Variants in BRIP1 observed in about 807,000 individuals in gnomAD.
BRIP1 encodes BRCA1 interacting DNA helicase 1.
BRIP1 carries 88 observed loss-of-function variants against 119.7 expected under a neutral mutation model. The observed-to-expected ratio is 0.74, with a 90% confidence interval of 0.62 to 0.88. BRIP1 has a LOEUF of 0.88. Among genes scored for constraint, BRIP1 ranks in the 40% least tolerant of loss-of-function variants. The probability of loss-of-function intolerance (pLI) is 0.00; values close to 1 mark genes in which losing one functional copy is unlikely to be tolerated. For missense variants in BRIP1, 1,259 were observed against 1,455.4 expected, an observed-to-expected ratio of 0.87 and a Z score of 2.20; for synonymous variants, 443 against 496.5, an observed-to-expected ratio of 0.89 and a Z score of 1.43.
rs537183380 is a variant in BRIP1, at chr17:61,861,578, G to C, written c.-30-9C>G. 2.1e-6 allele frequency: 3 copies of C among 1,460,632 alleles called. No homozygotes were observed. The highest frequency in any genetic ancestry group is 1.7e-5 in the Admixed American group (1 of 59,678). The allele number at this position is 1,460,632 out of a possible 1,614,324, so 90.5% of individuals were successfully genotyped here. On this transcript the variant is annotated splice_polypyrimidine_tract_variant and intron_variant, in intron 1 of 19. Coordinates refer to ENST00000259008, the MANE Select transcript of BRIP1 (RefSeq NM_032043.3). The surrounding 1 kb of genome is among the most constrained non-coding windows in gnomAD (Gnocchi z 4.5). ...TTATTTCAGATTCCTAACTACAACA[G>C]AAATGAAAATGTCAAATATTGAGAC...
At position 61,816,471 on chromosome 17, in the gene BRIP1, C is replaced by T. The variant is rs550483407; in HGVS notation, c.628-7714G>A. On this transcript the variant is annotated intron_variant, in intron 6 of 19. Coordinates refer to ENST00000259008, the MANE Select transcript of BRIP1 (RefSeq NM_032043.3). This position sits in a 1 kb window ranked among gnomAD's most constrained non-coding sequence, Gnocchi z 5.0. ...TTTTGATACCATAAGTGTTTGTTAC[C>T]CTACTCTCCACTTACTGTTTACTTT... Among the ~76,000 whole-genome samples the T allele has an allele frequency of 6.6e-6, 1 of 152,044 alleles. No homozygotes were observed. Among genetic ancestry groups the T allele is most frequent in the South Asian group, 2.1e-4 (1 of 4,818 alleles).
chr17:61,758,311 G>A lies in BRIP1; in HGVS notation c.2098-13720C>T, dbSNP rs770299436. Among the ~76,000 whole-genome samples, 2 of 152,114 alleles carry A rather than the reference G, an allele frequency of 1.3e-5. No individual in the cohort carries two copies. Among genetic ancestry groups the A allele is most frequent in the South Asian group, 2.1e-4 (1 of 4,828 alleles). On this transcript the variant is annotated intron_variant, in intron 14 of 19. Coordinates refer to ENST00000259008, the MANE Select transcript of BRIP1 (RefSeq NM_032043.3). This position sits in a 1 kb window ranked among gnomAD's most constrained non-coding sequence, Gnocchi z 5.3. ...TAACTGTAGGCGAAAAAGGCAACTC[G>A]TTTTCTATACTTCTGTAAATGGGCT... is the stretch of plus-strand genomic sequence containing the variant.
intron 16 of BRIP1, among the ~76,000 whole-genome samples, chr17:61,741,228 C>T (rs2076982860): frequency 1.3e-5 from 2 of 152,184 alleles, no homozygotes; most frequent in South Asian, 2.1e-4. Context: ...AATTTAGTCA[C>T]GTCTTAAGCT....
rs1013391711 is a variant in BRIP1, at chr17:61,707,940, A to T, written c.2492+8011T>A. On this transcript the variant is annotated intron_variant, in intron 17 of 19. Transcript: ENST00000259008. ...CGGCTCACTGCAACCTCCGCCTCCC[A>T]GGTTCAAGTGATTCTCCTGCCTCAG... is the stretch of plus-strand genomic sequence containing the variant. 6.0e-5 allele frequency among the ~76,000 whole-genome samples: 9 copies of T among 150,772 alleles called. No homozygotes were observed. The East Asian group carries it at 1.8e-3, about 29-fold the overall frequency.
chr17:61,691,100 G>C lies in BRIP1; in HGVS notation c.2575+2330C>G, dbSNP rs1193169369. ...GGCCTGTTGTGGGGTGGGGGGAGAGGGGGGAGGGATAGCATTAGGAGATAT... is the reference window on the plus strand; with the variant it reads ...GGCCTGTTGTGGGGTGGGGGGAGAGCGGGGAGGGATAGCATTAGGAGATAT... On this transcript the variant is annotated intron_variant, in intron 18 of 19. Transcript: ENST00000259008. The surrounding 1 kb of genome is among the most constrained non-coding windows in gnomAD (Gnocchi z 5.0). Among the ~76,000 whole-genome samples the C allele has an allele frequency of 4.0e-5, 6 of 151,482 alleles. No homozygotes were observed. Among genetic ancestry groups the C allele is most frequent in the Non-Finnish European group, 7.4e-5 (5 of 67,890 alleles).
rs2144677625 is a variant in BRIP1 at position 61,743,077 on chromosome 17, G to A, written c.2315C>T (p.Ser772Leu). ...RGKVSEGLDF[S>L]DDNARAVITI... ...TATGACAGCACGGGCATTGTCATCT[G>A]AGAAATCCAGACCCTCACTCACTTT... is the stretch of plus-strand genomic sequence containing the variant. The change falls in exon 16 of 20, where the codon TCA becomes TTA. Residue 772 changes from serine (S) to leucine (L), a missense_variant. Around this residue, in one of 3 missense-constraint regions of BRIP1, gnomAD observed 753 missense variants for 891.8 expected, o/e 0.84. Coordinates refer to ENST00000259008, the MANE Select transcript of BRIP1 (RefSeq NM_032043.3). The surrounding 1 kb of genome is among the most constrained non-coding windows in gnomAD (Gnocchi z 4.3). 6.2e-7 allele frequency: 1 copy of A among 1,613,844 alleles called. No homozygotes were observed. Among genetic ancestry groups the A allele is most frequent in the African/African-American group, 1.3e-5 (1 of 75,010 alleles).
intron 16 of BRIP1, among the ~76,000 whole-genome samples, chr17:61,721,485 G>C (rs2061974580): frequency 6.7e-6 from 1 of 149,614 alleles, no homozygotes; most frequent in Admixed American, 6.7e-5. Context: ...TGACCAGGAT[G>C]GTCTCGATCT....
In BRIP1 at chr17:61,852,038, T is replaced by G. The variant is rs985034693; in HGVS notation, c.380-2782A>C. Among the ~76,000 whole-genome samples the G allele has an allele frequency of 2.6e-5, 4 of 152,186 alleles. No individual in the cohort carries two copies. Among genetic ancestry groups the G allele is most frequent in the Non-Finnish European group, 4.4e-5 (3 of 68,038 alleles). On this transcript the variant is annotated intron_variant, in intron 4 of 19. Transcript: ENST00000259008. This position sits in a 1 kb window ranked among gnomAD's most constrained non-coding sequence, Gnocchi z 4.9. Reference sequence around the variant, plus strand: ...CAACAAAGAGTTATCCCACTCAAAATGTTAATAGTGCCACTGTGGAGAAAC... The same window carrying G: ...CAACAAAGAGTTATCCCACTCAAAAGGTTAATAGTGCCACTGTGGAGAAAC...
At chr17:61,697,098 G>A (rs979510843) in intron 17 of BRIP1, among the ~76,000 whole-genome samples, 2 of 150,548 alleles carry the variant, frequency 1.3e-5, no homozygotes, top group African/African-American at 4.9e-5. Flanking sequence ...GCTCACACCT[G>A]TAATCCCAGC....
At chr17:61,723,418 G>T (rs1376315450) in intron 16 of BRIP1, among the ~76,000 whole-genome samples, 4 of 152,192 alleles carry the variant, frequency 2.6e-5, no homozygotes, top group African/African-American at 4.8e-5. Context: ...GGCAAGCTCT[G>T]CCATCTTGTA....
In BRIP1 at chr17:61,779,089, A is replaced by T. The variant is rs145346336; in HGVS notation, c.1935+1172T>A. On this transcript the variant is annotated intron_variant, in intron 13 of 19. Coordinates refer to ENST00000259008, the MANE Select transcript of BRIP1 (RefSeq NM_032043.3). ...ACATTTCCACAAAAATTAAAATAAC[A>T]TTTAGTAGCCATCGTTATAAAACAT... Among the ~76,000 whole-genome samples the T allele has an allele frequency of 1.4e-3, 215 of 152,356 alleles. 1 individual carries two copies. The highest frequency in any genetic ancestry group is 5.1e-3 in the African/African-American group (210 of 41,578).
rs912965020 is a variant in BRIP1 at position 61,735,988 on chromosome 17, A to G, written c.2379+7025T>C. On this transcript the variant is annotated intron_variant, in intron 16 of 19. Transcript: ENST00000259008. The surrounding 1 kb of genome is among the most constrained non-coding windows in gnomAD (Gnocchi z 4.4). ...TGACCAATGGAAACTGAGATAATAA[A>G]TGTGTGTTAAGCCACTATGTGATAA... Among the ~76,000 whole-genome samples, 1 of 152,018 alleles carries G rather than the reference A, an allele frequency of 6.6e-6. No individual in the cohort carries two copies. The highest frequency in any genetic ancestry group is 1.5e-5 in the Non-Finnish European group (1 of 68,004).
intron 6 of BRIP1, among the ~76,000 whole-genome samples, chr17:61,819,063 G>A (rs1446495738): frequency 6.6e-6 from 1 of 151,774 alleles, no homozygotes; most frequent in African/African-American, 2.4e-5. Flanking sequence ...GTGCACGCCT[G>A]TAATCCCAGC....
At position 61,729,033 on chromosome 17, in the gene BRIP1, C is replaced by A. The variant is rs2076807897; in HGVS notation, c.2380-12970G>T. Among the ~76,000 whole-genome samples the A allele has an allele frequency of 6.8e-6, 1 of 148,096 alleles. No individual in the cohort carries two copies. The highest frequency in any genetic ancestry group is 2.1e-4 in the South Asian group (1 of 4,798). On this transcript the variant is annotated intron_variant, in intron 16 of 19. Coordinates refer to ENST00000259008, the MANE Select transcript of BRIP1 (RefSeq NM_032043.3). This position sits in a 1 kb window ranked among gnomAD's most constrained non-coding sequence, Gnocchi z 5.6. ...GGAGGACGGGCGGCTGTAACCCCAG[C>A]ACTTTGGGAGGCTGAGGCGGGCGGA...
intron 6 of BRIP1, among the ~76,000 whole-genome samples, chr17:61,838,775 A>T (rs2078614207): frequency 6.6e-6 from 1 of 151,774 alleles, no homozygotes; most frequent in African/African-American, 2.4e-5. Flanking sequence ...AAAATAAAAA[A>T]ATATAAAAAA....
At position 61,757,537 on chromosome 17, in the gene BRIP1, TACTAGTGCAGTAATGC is replaced by T. The variant is rs2077216505; in HGVS notation, c.2098-12962_2098-12947del. 6.6e-6 allele frequency among the ~76,000 whole-genome samples: 1 copy of T among 152,216 alleles called. No individual in the cohort carries two copies. Among genetic ancestry groups the T allele is most frequent in the African/African-American group, 2.4e-5 (1 of 41,460 alleles). The stretch of plus-strand genomic sequence containing the variant: ...GACTCTGAAAATGTCAGAGCTGCAC[TACTAGTGCAGTAATGC>T]ACTAGTGACACCTGATTTACAGTTA... On this transcript the variant is annotated intron_variant, in intron 14 of 19. Transcript: ENST00000259008. The surrounding 1 kb of genome is among the most constrained non-coding windows in gnomAD (Gnocchi z 4.3).
At chr17:61,847,775 C>T (rs1255210563) in intron 5 of BRIP1, among the ~76,000 whole-genome samples, 7 of 152,166 alleles carry the variant, frequency 4.6e-5, no homozygotes, top group Non-Finnish European at 1.0e-4. Flanking sequence ...CAAACTGTAT[C>T]CATGCTTTTC....
At chr17:61,763,657 AAAGACTTTTC>A (rs1297444558) in intron 14 of BRIP1, among the ~76,000 whole-genome samples, 13 of 152,286 alleles carry the variant, frequency 8.5e-5, no homozygotes, top group Admixed American at 8.5e-4. Flanking sequence ...GTATCTTTTG[AAAGACTTTTC>A]AAAAATGCAA....
chr17:61,792,793 G>C (rs2077838764), intron 10 of BRIP1, among the ~76,000 whole-genome samples: 1 of 152,162 alleles, frequency 6.6e-6, no homozygotes, highest in Non-Finnish European at 1.5e-5. Flanking sequence ...TACAACACAA[G>C]GGGTAAACCT....
Sources: allele counts gnomAD v4.1 joint callset (sites outside exome capture counted in the v4.1 genomes callset), GRCh38; gene constraint gnomAD v4.1.1; regional missense constraint gnomAD v4.1.1; non-coding constraint Gnocchi (gnomAD v3.1); transcripts MANE v1.5; gene names NCBI Gene and HGNC (gene_info 2026-07-23, HGNC 2026-07-21).